BRD10: variants seen among roughly 807,000 people sequenced by gnomAD.
BRD10 encodes the protein bromodomain containing 10.
the BRD10 span, chr9:5,920,566 C>G: frequency 2.0e-5 from 33 of 1,613,846 alleles, no homozygotes; most frequent in South Asian, 3.3e-4. Flanking sequence ...AAAGGGACGA[C>G]AATTCAGTTT....
chr9:5,906,950 T>C, the BRD10 span: 2 of 1,600,270 alleles, frequency 1.2e-6, no homozygotes, highest in Non-Finnish European at 1.7e-6. Flanking sequence ...AAGGGTTTGA[T>C]CATCGGGACA....
chr9:5,932,031 C>T, the BRD10 span, among the ~76,000 whole-genome samples: 1 of 152,086 alleles, frequency 6.6e-6, no homozygotes, highest in African/African-American at 2.4e-5. Context: ...GACACTGTCC[C>T]TTTCTACTTA....
the BRD10 span, among the ~76,000 whole-genome samples, chr9:5,986,336 G>C: frequency 6.6e-6 from 1 of 152,164 alleles, no homozygotes; most frequent in Non-Finnish European, 1.5e-5. Context: ...GTATTCCATG[G>C]TCTGTATGTA....
chr9:5,889,057 G>C, the BRD10 span, among the ~76,000 whole-genome samples: 2 of 152,268 alleles, frequency 1.3e-5, no homozygotes, highest in East Asian at 1.9e-4. Flanking sequence ...GGTCTCTGCT[G>C]GTCTGATCCA....
the BRD10 span, among the ~76,000 whole-genome samples, chr9:5,939,802 A>C: frequency 2.0e-5 from 3 of 152,228 alleles, no homozygotes; most frequent in Non-Finnish European, 4.4e-5. Flanking sequence ...CTGTAGGATC[A>C]TTACAGTGTA....
chr9:5,944,066 G>A, the BRD10 span, among the ~76,000 whole-genome samples: 3 of 152,090 alleles, frequency 2.0e-5, no homozygotes, highest in South Asian at 6.2e-4. Flanking sequence ...TATATTAACA[G>A]GTTCTGAGCA....
At chr9:5,916,593 A>AACATATATAT in the BRD10 span, among the ~76,000 whole-genome samples, 3 of 135,370 alleles carry the variant, frequency 2.2e-5, no homozygotes, top group African/African-American at 8.4e-5. Context: ...TAACATATAT[A>AACATATATAT]TAAAACTAAT....
chr9:5,983,283 C>T, the BRD10 span, among the ~76,000 whole-genome samples: 1 of 152,140 alleles, frequency 6.6e-6, no homozygotes, highest in Non-Finnish European at 1.5e-5. Flanking sequence ...CAGACACACC[C>T]TAAAACAGCT....
the BRD10 span, chr9:5,906,856 C>G: frequency 7.2e-7 from 1 of 1,392,200 alleles, no homozygotes; most frequent in Non-Finnish European, 9.8e-7. Flanking sequence ...TTCTTCTCAC[C>G]CACTCACCTT....
chr9:5,943,854 C>G, the BRD10 span, among the ~76,000 whole-genome samples: 1 of 152,122 alleles, frequency 6.6e-6, no homozygotes, highest in African/African-American at 2.4e-5. Flanking sequence ...TCAGGGTTAT[C>G]TGTCACACAT....
the BRD10 span, among the ~76,000 whole-genome samples, chr9:5,885,428 T>C: frequency 6.6e-6 from 1 of 151,654 alleles, no homozygotes; most frequent in South Asian, 2.1e-4. Flanking sequence ...TGCAGTGCAA[T>C]GGCTCGATCT....
the BRD10 span, among the ~76,000 whole-genome samples, chr9:5,993,977 A>T: frequency 5.9e-5 from 9 of 152,228 alleles, no homozygotes; most frequent in Non-Finnish European, 1.3e-4. Flanking sequence ...GATAAGCATC[A>T]TTCATCTAAG....
chr9:5,941,205 G>A, the BRD10 span, among the ~76,000 whole-genome samples: 6 of 151,010 alleles, frequency 4.0e-5, no homozygotes, highest in East Asian at 1.2e-3. Context: ...CAAATTTCAA[G>A]TACAATAAGA....
At chr9:5,886,849 G>T in the BRD10 span, among the ~76,000 whole-genome samples, 3 of 152,212 alleles carry the variant, frequency 2.0e-5, no homozygotes, top group African/African-American at 7.2e-5. Flanking sequence ...GCGATCGCCA[G>T]CTTATCCTGT....
chr9:6,005,027 C>T, the BRD10 span, among the ~76,000 whole-genome samples: 4 of 152,218 alleles, frequency 2.6e-5, no homozygotes, highest in African/African-American at 9.6e-5. Flanking sequence ...CCTCTACTGG[C>T]CTAAGAATGT....
the BRD10 span, among the ~76,000 whole-genome samples, chr9:5,985,667 C>T: frequency 6.6e-6 from 1 of 152,040 alleles, no homozygotes; most frequent in Non-Finnish European, 1.5e-5. Context: ...TGCCTGTGAT[C>T]CCAGCTACTC....
chr9:5,937,120 C>T, the BRD10 span, among the ~76,000 whole-genome samples: 1,395 of 151,424 alleles, frequency 9.2e-3, 9 homozygotes, highest in Non-Finnish European at 0.014. Flanking sequence ...GTTCCAACTG[C>T]TCAGGAGGCT....
the BRD10 span, chr9:5,919,788 G>T: frequency 6.2e-7 from 1 of 1,613,840 alleles, no homozygotes; most frequent in Admixed American, 1.7e-5. Context: ...GAGAGAGATG[G>T]AGAGAGTGAA....
At chr9:5,980,174 A>G in the BRD10 span, among the ~76,000 whole-genome samples, 1 of 152,222 alleles carries the variant, frequency 6.6e-6, no homozygotes, top group African/African-American at 2.4e-5. Flanking sequence ...TAGCTTAAAG[A>G]CTATTTCAGC....
Sources: allele counts gnomAD v4.1 joint callset (sites outside exome capture counted in the v4.1 genomes callset), GRCh38; gene constraint gnomAD v4.1.1; transcripts MANE v1.5; gene names NCBI Gene and HGNC (gene_info 2026-07-23, HGNC 2026-07-21).